Variants in KALRN observed in about 807,000 individuals in gnomAD.
KALRN encodes kalirin RhoGEF kinase.
KALRN carries 70 observed loss-of-function variants against 353.7 expected under a neutral mutation model. That is an observed-to-expected ratio of 0.20 (90% CI 0.16 to 0.24). KALRN has a LOEUF of 0.24. Among genes scored for constraint, KALRN ranks in the 10% least tolerant of loss-of-function variants. KALRN has a pLI of 1.00. For synonymous variants in KALRN, 1,391 were observed against 1,434.8 expected (o/e 0.97, Z 0.69); for missense variants, 2,791 against 3,756.7 (o/e 0.74, Z 6.72).
intron 33 of KALRN, among the ~76,000 whole-genome samples, chr3:124,551,515 G>A (rs2070532426): frequency 2.0e-5 from 3 of 152,184 alleles, no homozygotes; most frequent in Admixed American, 6.5e-5. Flanking sequence ...AACTGACCTA[G>A]AAAGAGGCAG....
chr3:124,715,486 C>T (rs2063095238), intron 58 of KALRN, among the ~76,000 whole-genome samples: 1 of 152,200 alleles, frequency 6.6e-6, no homozygotes, highest in East Asian at 1.9e-4. Context: ...GTTAATTGCT[C>T]CCTTAATGAC....
intron 5 of KALRN, among the ~76,000 whole-genome samples, chr3:124,283,317 C>T (rs543276953): frequency 3.9e-5 from 6 of 152,282 alleles, no homozygotes; most frequent in African/African-American, 9.6e-5. Context: ...AATTTAGCTC[C>T]GGGATAAAGT....
At chr3:124,621,178 A>T (rs333310) in intron 34 of KALRN, among the ~76,000 whole-genome samples, 110,068 of 152,092 alleles carry the variant, frequency 0.72, 40,470 homozygotes, top group East Asian at 0.87. Flanking sequence ...TGGCTCAGAT[A>T]TCTGTACACA....
At chr3:124,586,633 G>C (rs765039768) in intron 34 of KALRN, among the ~76,000 whole-genome samples, 47 of 152,174 alleles carry the variant, frequency 3.1e-4, no homozygotes, top group Admixed American at 7.2e-4. Flanking sequence ...CGTGCGAGTG[G>C]CTATCGTAGG....
rs1579109259 is a variant in KALRN, at chr3:124,720,436, T to A, written c.*966T>A. On this transcript the variant is annotated 3_prime_UTR_variant, in exon 60 of 60. Transcript: ENST00000682506. The stretch of plus-strand genomic sequence containing the variant: ...TTTCCTACAGTTCCTATGAACAACG[T>A]ACCAACACTTTCTGATTTCTTCTAC... 1 of 152,740 alleles carries A rather than the reference T, an allele frequency of 6.5e-6. No homozygotes were observed. Among genetic ancestry groups the A allele is most frequent in the East Asian group, 1.9e-4 (1 of 5,190 alleles). 9.5% of individuals were successfully genotyped at this position (152,740 alleles called of 1,614,324 possible). A position where few individuals can be genotyped will look rare whatever the true frequency, so the allele number is the denominator to read the frequency against.
At position 124,446,656 on chromosome 3, in the gene KALRN, T is replaced by C. The variant is rs1230496261; in HGVS notation, c.3430-107T>C. On this transcript the variant is annotated intron_variant, in intron 20 of 59. Coordinates refer to ENST00000682506, the MANE Select transcript of KALRN (RefSeq NM_001388419.1). ...ACATACCAATCAAATTGTCAGTGTT[T>C]CCTGGGTCCATTAAGTTGTCCCAAC... is the stretch of plus-strand genomic sequence containing the variant. 52 of 1,378,766 alleles carry C rather than the reference T, an allele frequency of 3.8e-5. 2 individuals are homozygous for C. In the Admixed American group the frequency reaches 1.0e-3, roughly 27 times the overall value. The allele number at this position is 1,378,766 out of a possible 1,614,324, so 85.4% of individuals were successfully genotyped here. A position where few individuals can be genotyped will look rare whatever the true frequency, so the allele number is the denominator to read the frequency against.
chr3:124,227,192 G>C (rs80256481), intron 1 of KALRN, among the ~76,000 whole-genome samples: 5 of 152,284 alleles, frequency 3.3e-5, no homozygotes, highest in African/African-American at 1.2e-4. Context: ...TGAGCCCCAA[G>C]ATTCTGCCTC....
At chr3:124,637,147 C>T (rs2081438115) in intron 36 of KALRN, 61 bp from the exon 37 acceptor site, 5 of 1,332,046 alleles carry the variant, frequency 3.8e-6, no homozygotes, top group Non-Finnish European at 5.4e-6. Flanking sequence ...GTTTTATTTC[C>T]TGATCACTGT....
chr3:124,052,838 A>G lies in KALRN; in HGVS notation c.73+19025A>G, dbSNP rs572093536. ...GGTGGTTGTCATAGAGTAGGAGATG[A>G]TTGAATGGCATTTGGAAGAGGAATT... On this transcript the variant is annotated intron_variant, in intron 1 of 59. Transcript: ENST00000682506. Among the ~76,000 whole-genome samples the G allele has an allele frequency of 5.9e-5, 9 of 152,260 alleles. No homozygotes were observed. In the South Asian group the frequency reaches 1.9e-3, roughly 32 times the overall value.
At chr3:124,316,633 C>A (rs1007579588) in intron 6 of KALRN, among the ~76,000 whole-genome samples, 6 of 152,238 alleles carry the variant, frequency 3.9e-5, no homozygotes, top group African/African-American at 1.4e-4. Flanking sequence ...TCAGGGGTCA[C>A]CCTGCCCCGG....
chr3:124,344,193 C>G (rs2082047448), intron 9 of KALRN, among the ~76,000 whole-genome samples: 1 of 152,196 alleles, frequency 6.6e-6, no homozygotes, highest in Non-Finnish European at 1.5e-5. Flanking sequence ...CAGGATTTGA[C>G]TAGAAAGTCA....
chr3:124,264,243 A>G (rs1477282999), intron 3 of KALRN, among the ~76,000 whole-genome samples: 2 of 152,214 alleles, frequency 1.3e-5, no homozygotes, highest in African/African-American at 2.4e-5. Context: ...GGGATACTCA[A>G]CCTGCGTAAG....
At chr3:124,602,522 G>A (rs1460329576) in intron 34 of KALRN, among the ~76,000 whole-genome samples, 2 of 152,184 alleles carry the variant, frequency 1.3e-5, no homozygotes, top group Non-Finnish European at 2.9e-5. Context: ...ACTATGATGA[G>A]TTTAAGAACT....
intron 34 of KALRN, among the ~76,000 whole-genome samples, chr3:124,576,809 C>A (rs1388217074): frequency 6.6e-6 from 1 of 152,204 alleles, no homozygotes; most frequent in African/African-American, 2.4e-5. Flanking sequence ...TGCCATCCCA[C>A]ATAGTGGACA....
At chr3:124,067,160 G>A (rs2149246887) in intron 1 of KALRN, among the ~76,000 whole-genome samples, 1 of 152,312 alleles carries the variant, frequency 6.6e-6, no homozygotes, top group Middle Eastern at 3.4e-3. Flanking sequence ...CTTCATGGCA[G>A]AGCCAGAAAG....
At chr3:124,655,791 G>A in intron 39 of KALRN, 124 bp downstream of exon 39, 1 of 689,370 alleles carries the variant, frequency 1.5e-6, no homozygotes, top group African/African-American at 1.8e-5. Flanking sequence ...TTGCAGAAAT[G>A]AAAATAAAAA....
At chr3:124,530,260 C>T (rs2067930534) in intron 33 of KALRN, among the ~76,000 whole-genome samples, 1 of 152,136 alleles carries the variant, frequency 6.6e-6, no homozygotes, top group South Asian at 2.1e-4. Context: ...AATATAAATA[C>T]TCAGGGAACA....
chr3:124,684,079 C>T (rs1325994060), intron 51 of KALRN, among the ~76,000 whole-genome samples: 1 of 152,166 alleles, frequency 6.6e-6, no homozygotes, highest in Non-Finnish European at 1.5e-5. Flanking sequence ...ACGTTTTCAT[C>T]ATCGCAAACA....
At chr3:124,363,891 G>GT (rs909134201) in intron 10 of KALRN, among the ~76,000 whole-genome samples, 1 of 152,246 alleles carries the variant, frequency 6.6e-6, no homozygotes, top group African/African-American at 2.4e-5. Context: ...AAAAGCAGTT[G>GT]TAAGTGGAAA....
Sources: gnomAD v4.1 joint callset for allele counts (sites outside exome capture counted in the v4.1 genomes callset) on GRCh38, gnomAD v4.1.1 for gene constraint, MANE v1.5 for transcripts, NCBI Gene and HGNC (gene_info 2026-07-23, HGNC 2026-07-21) for gene names.